TP53INP1: variants seen among roughly 807,000 people sequenced by gnomAD.
TP53INP1 encodes tumor protein p53 inducible nuclear protein 1.
A neutral mutation model predicts 21.0 loss-of-function variants in TP53INP1; 12 were observed. The ratio of observed to expected loss-of-function variants is 0.57; its 90% CI spans 0.37 to 0.93. The LOEUF (loss-of-function observed/expected upper bound fraction) is 0.93, where lower values mean the gene tolerates loss of function less well. TP53INP1 is among the 40% of genes least tolerant of loss of function. The pLI, the probability that TP53INP1 is intolerant of heterozygous loss-of-function variation, is 0.01. For synonymous variants in TP53INP1, 91 were observed against 94.8 expected (o/e 0.96, Z 0.23); for missense variants, 274 against 294.7 (o/e 0.93, Z 0.51).
At chr8:94,932,742 G>A (rs988503528) in intron 3 of TP53INP1, among the ~76,000 whole-genome samples, 5 of 152,210 alleles carry the variant, frequency 3.3e-5, no homozygotes, top group African/African-American at 1.2e-4. Context: ...GGCGGAGCTT[G>A]CAGTGAGCCG....
At position 94,930,656 on chromosome 8, in the gene TP53INP1, A is replaced by G. The variant is rs1282898277; in HGVS notation, c.546T>C (p.Phe182=). The change falls in exon 4 of 4, where the codon TTT becomes TTC. Residue 182 remains phenylalanine (F), a synonymous_variant. Coordinates refer to ENST00000342697, the MANE Select transcript of TP53INP1 (RefSeq NM_033285.4). ...YVAALAAHTT[F]LEQPKSFRPS... ...GGCGAAAGCTCTTGGGTTGTTCCAGAAAAGTTGTATGAGCAGCAAGAGCTG... is the reference window on the plus strand; with the variant it reads ...GGCGAAAGCTCTTGGGTTGTTCCAGGAAAGTTGTATGAGCAGCAAGAGCTG... The G allele has an allele frequency of 4.3e-6, 7 of 1,614,254 alleles. No individual in the cohort carries two copies. The highest frequency in any genetic ancestry group is 5.9e-6 in the Non-Finnish European group (7 of 1,180,044).
At position 94,945,089 on chromosome 8, in the gene TP53INP1, C is replaced by T. The variant is rs1265967294; in HGVS notation, c.-150-3998G>A. 3.3e-5 allele frequency among the ~76,000 whole-genome samples: 5 copies of T among 152,276 alleles called. No individual in the cohort carries two copies. In the South Asian group the frequency reaches 8.3e-4, roughly 25 times the overall value. On this transcript the variant is annotated intron_variant, in intron 1 of 3. Transcript: ENST00000342697. Reference sequence around the variant, plus strand: ...TGCATTTTTCATTTTACTATTTAATCCATTTACTAAGTTTAATCCAGTTAA... The same window carrying T: ...TGCATTTTTCATTTTACTATTTAATTCATTTACTAAGTTTAATCCAGTTAA...
Position 94,940,856 on chromosome 8 carries a change from T to C in TP53INP1, c.86A>G (p.Asp29Gly), listed in dbSNP as rs1307853675. 1 of 1,613,552 alleles carries C rather than the reference T, an allele frequency of 6.2e-7. No homozygotes were observed. The highest frequency in any genetic ancestry group is 1.7e-5 in the Admixed American group (1 of 59,922). ...TATGAAGTCAACAAGAATCCATTCATCATCTTCTTTCTCATTGAATTCTGG... is the reference window on the plus strand; with the variant it reads ...TATGAAGTCAACAAGAATCCATTCACCATCTTCTTTCTCATTGAATTCTGG... ...QEPEFNEKED[D>G]EWILVDFIDT... The change falls in exon 2 of 4, where the codon GAT becomes GGT. Residue 29 changes from aspartate to glycine, a missense_variant. By Grantham distance (94) the Asp-to-Gly change is moderately conservative. Transcript: ENST00000342697.
chr8:94,948,223 G>C (rs951733920), intron 1 of TP53INP1, among the ~76,000 whole-genome samples: 1 of 152,160 alleles, frequency 6.6e-6, no homozygotes, highest in African/African-American at 2.4e-5. Flanking sequence ...CTGCCACTTT[G>C]AAATACAAAC....
intron 1 of TP53INP1, among the ~76,000 whole-genome samples, chr8:94,942,056 G>A (rs556666151): frequency 9.8e-4 from 147 of 150,660 alleles, no homozygotes; most frequent in Middle Eastern, 3.4e-3. Flanking sequence ...TTTTTGAGAC[G>A]GAGTCTTTGT....
rs1489886348 is a variant in TP53INP1, at chr8:94,932,277, T to C, written c.474-1549A>G. Among the ~76,000 whole-genome samples, 4 of 152,202 alleles carry C rather than the reference T, an allele frequency of 2.6e-5. 1 individual carries two copies. The highest frequency in any genetic ancestry group is 2.0e-4 in the Admixed American group (3 of 15,282). ...GTAAAACCTTCAAAAACAATACTTA[T>C]AAAGGCTAAAATGCAATGAAATGTA... On this transcript the variant is annotated intron_variant, in intron 3 of 3. Coordinates refer to ENST00000342697, the MANE Select transcript of TP53INP1 (RefSeq NM_033285.4).
At chr8:94,937,440 CAAA>C (rs1173351669) in intron 3 of TP53INP1, among the ~76,000 whole-genome samples, 2 of 93,710 alleles carry the variant, frequency 2.1e-5, no homozygotes, top group Non-Finnish European at 2.4e-5. Flanking sequence ...GACTCCATCT[CAAA>C]AAAAAAAAAA....
At position 94,930,338 on chromosome 8, in the gene TP53INP1, G is replaced by T; in HGVS notation, c.*141C>A. ...CACAGCATATAAATCTGATTTTCAA[G>T]ATAGTGTCTAAATACACTGATAAAA... On this transcript the variant is annotated 3_prime_UTR_variant, in exon 4 of 4. Coordinates refer to ENST00000342697, the MANE Select transcript of TP53INP1 (RefSeq NM_033285.4). The T allele has an allele frequency of 1.7e-6, 2 of 1,193,440 alleles. No individual in the cohort carries two copies. Among genetic ancestry groups the T allele is most frequent in the Non-Finnish European group, 2.4e-6 (2 of 848,340 alleles). 73.9% of individuals were successfully genotyped at this position (1,193,440 alleles called of 1,614,324 possible). A position where few individuals can be genotyped will look rare whatever the true frequency, so the allele number is the denominator to read the frequency against.
intron 3 of TP53INP1, among the ~76,000 whole-genome samples, chr8:94,939,047 G>T (rs968175766): frequency 6.6e-6 from 1 of 152,158 alleles, no homozygotes; most frequent in Non-Finnish European, 1.5e-5. Flanking sequence ...CTGTTTGCCT[G>T]GTGTGTGGAA....
At chr8:94,937,833 T>A (rs1821141858) in intron 3 of TP53INP1, among the ~76,000 whole-genome samples, 1 of 152,040 alleles carries the variant, frequency 6.6e-6, no homozygotes, top group South Asian at 2.1e-4. Flanking sequence ...TGCAGCTGTA[T>A]TGTCTGGTGG....
chr8:94,940,597 G>A (rs913635098), intron 2 of TP53INP1, among the ~76,000 whole-genome samples: 27 of 152,236 alleles, frequency 1.8e-4, no homozygotes, highest in African/African-American at 6.0e-4. Context: ...TTCTAATGAA[G>A]TGCCCTTGAT....
Position 94,930,386 on chromosome 8 carries a change from G to A in TP53INP1, c.*93C>T, listed in dbSNP as rs919268980. The A allele has an allele frequency of 4.6e-6, 7 of 1,519,782 alleles. No individual in the cohort carries two copies. The highest frequency in any genetic ancestry group is 6.3e-6 in the Non-Finnish European group (7 of 1,119,188). 94.1% of individuals were successfully genotyped at this position (1,519,782 alleles called of 1,614,324 possible). A position where few individuals can be genotyped will look rare whatever the true frequency, so the allele number is the denominator to read the frequency against. On this transcript the variant is annotated 3_prime_UTR_variant, in exon 4 of 4. Transcript: ENST00000342697. ...AAACTATGTGATTGGTTATCAATTGGTTGTAAAGAGACAACATTTTCACTG... is the reference window on the plus strand; with the variant it reads ...AAACTATGTGATTGGTTATCAATTGATTGTAAAGAGACAACATTTTCACTG...
chr8:94,943,866 G>A (rs1023697213), intron 1 of TP53INP1, among the ~76,000 whole-genome samples: 9 of 152,178 alleles, frequency 5.9e-5, no homozygotes, highest in East Asian at 1.9e-4. Context: ...AAAGCAGCAC[G>A]GCCAAATCAT....
At position 94,946,106 on chromosome 8, in the gene TP53INP1, G is replaced by GT. The variant is rs11301626; in HGVS notation, c.-151+3047dup. On this transcript the variant is annotated intron_variant, in intron 1 of 3. Coordinates refer to ENST00000342697, the MANE Select transcript of TP53INP1 (RefSeq NM_033285.4). Reference sequence around the variant, plus strand: ...TTAACACATTGGTGCCTTTTCTTCTGTTTTTTTTTTTCTTCTACACATAAG... The same window carrying GT: ...TTAACACATTGGTGCCTTTTCTTCTGTTTTTTTTTTTTCTTCTACACATAAG... Among the ~76,000 whole-genome samples, 165 of 149,074 alleles carry GT rather than the reference G, an allele frequency of 1.1e-3. 1 individual carries two copies. The highest frequency in any genetic ancestry group is 2.0e-3 in the African/African-American group (79 of 40,438).
chr8:94,948,392 C>T (rs973601853), intron 1 of TP53INP1, among the ~76,000 whole-genome samples: 3 of 152,206 alleles, frequency 2.0e-5, no homozygotes, highest in African/African-American at 7.2e-5. Context: ...GTATATGGCA[C>T]ATACTCAGCG....
Position 94,947,800 on chromosome 8 carries a change from T to C in TP53INP1, c.-151+1354A>G, listed in dbSNP as rs867826138. Among the ~76,000 whole-genome samples the C allele has an allele frequency of 7.2e-5, 11 of 152,312 alleles. No homozygotes were observed. In the East Asian group the frequency reaches 9.6e-4, roughly 13 times the overall value. On this transcript the variant is annotated intron_variant, in intron 1 of 3. Transcript: ENST00000342697. ...AGCAATGGCAGGAAAGAACAAAAGA[T>C]AGGATGAGAAAACAAGACCTTGGTC... is the stretch of plus-strand genomic sequence containing the variant.
Position 94,930,706 on chromosome 8 carries a change from C to G in TP53INP1, c.496G>C (p.Gly166Arg), listed in dbSNP as rs1385688250. The G allele has an allele frequency of 6.2e-7, 1 of 1,614,048 alleles. No homozygotes were observed. The highest frequency in any genetic ancestry group is 1.1e-5 in the South Asian group (1 of 91,066). Reference sequence around the variant, plus strand: ...GCAACATAACAATGAATATGCTGCCCCATTTCATTTTGAGCTTCCACTCTG... The same window carrying G: ...GCAACATAACAATGAATATGCTGCCGCATTTCATTTTGAGCTTCCACTCTG... The part of the protein sequence containing the change: ...SPRVEAQNEM[G>R]QHIHCYVAAL... Residue 166 changes from glycine to arginine, a missense_variant, in exon 4 of 4, where the codon GGG (glycine) becomes CGG (arginine). By Grantham distance (125) the Gly-to-Arg change is moderately radical. Coordinates refer to ENST00000342697, the MANE Select transcript of TP53INP1 (RefSeq NM_033285.4).
intron 2 of TP53INP1, 45 bp downstream of exon 2, chr8:94,940,785 T>A: frequency 6.8e-7 from 1 of 1,465,294 alleles, no homozygotes; most frequent in Non-Finnish European, 9.4e-7. Context: ...CAAGTTTCCA[T>A]TTTTACTGTG....
At chr8:94,944,714 G>A (rs1286529129) in intron 1 of TP53INP1, among the ~76,000 whole-genome samples, 4 of 152,324 alleles carry the variant, frequency 2.6e-5, no homozygotes, top group South Asian at 4.1e-4. Flanking sequence ...AGTTCCTGGG[G>A]AGGGTTAAAG....
Sources: allele counts gnomAD v4.1 joint callset (sites outside exome capture counted in the v4.1 genomes callset), GRCh38; gene constraint gnomAD v4.1.1; transcripts MANE v1.5; gene names NCBI Gene and HGNC (gene_info 2026-07-23, HGNC 2026-07-21).